MAML3: variants seen among roughly 807,000 people sequenced by gnomAD.
The protein encoded by MAML3 is mastermind like transcriptional coactivator 3, also known as mastermind-like protein 3.
MAML3 carries 27 observed loss-of-function variants against 101.9 expected under a neutral mutation model. That is an observed-to-expected ratio of 0.27 (90% CI 0.20 to 0.37). The LOEUF (loss-of-function observed/expected upper bound fraction) is 0.37. Among genes scored for constraint, MAML3 ranks in the 10% least tolerant of loss-of-function variants. The probability of loss-of-function intolerance (pLI) is 1.00; values close to 1 mark genes in which losing one functional copy is unlikely to be tolerated. For missense variants in MAML3, 1,316 were observed against 1,444.9 expected (o/e 0.91, Z 1.45); for synonymous variants, 501 against 555.9 (o/e 0.90, Z 1.39).
chr4:139,865,926 G>A (rs1367693685), intron 2 of MAML3, among the ~76,000 whole-genome samples: 1 of 152,158 alleles, frequency 6.6e-6, no homozygotes, highest in African/African-American at 2.4e-5. Flanking sequence ...GTTTTCCCAG[G>A]TCCGTCTTCT....
At chr4:139,762,745 G>C (rs1729781817) in intron 2 of MAML3, among the ~76,000 whole-genome samples, 1 of 152,152 alleles carries the variant, frequency 6.6e-6, no homozygotes, top group Non-Finnish European at 1.5e-5. Flanking sequence ...GTGAACCCTG[G>C]ATAAAAGGCA....
intron 2 of MAML3, among the ~76,000 whole-genome samples, chr4:139,805,186 A>AAACAAC (rs1176998199): frequency 6.6e-6 from 1 of 152,156 alleles, no homozygotes; most frequent in African/African-American, 2.4e-5. Flanking sequence ...ATCCGTCTCA[A>AAACAAC]AACAACAACA....
chr4:140,031,922 C>A lies in MAML3; in HGVS notation c.468+120938G>T, dbSNP rs150483583. Among the ~76,000 whole-genome samples, 136 of 152,322 alleles carry A rather than the reference C, an allele frequency of 8.9e-4. 2 individuals are homozygous for A. In the East Asian group the frequency reaches 0.025, roughly 27 times the overall value. Reference sequence around the variant, plus strand: ...TCCAGCCTTGCCTTCTCCCTCACCCCCAACTCTTACTGGAAGCAACTTTTT... The same window carrying A: ...TCCAGCCTTGCCTTCTCCCTCACCCACAACTCTTACTGGAAGCAACTTTTT... On this transcript the variant is annotated intron_variant, in intron 1 of 4. Coordinates refer to ENST00000509479, the MANE Select transcript of MAML3 (RefSeq NM_018717.5).
intron 1 of MAML3, among the ~76,000 whole-genome samples, chr4:140,017,017 C>A (rs1726652941): frequency 6.6e-6 from 1 of 152,090 alleles, no homozygotes; most frequent in Non-Finnish European, 1.5e-5. Context: ...AACGAAAGAA[C>A]AATCACATGT....
At chr4:139,944,449 G>A (rs1189861375) in intron 1 of MAML3, among the ~76,000 whole-genome samples, 4 of 152,004 alleles carry the variant, frequency 2.6e-5, no homozygotes, top group Non-Finnish European at 4.4e-5. Context: ...TTGTTCTTGC[G>A]ATAGTTTACT....
At chr4:139,772,329 A>T (rs1276045937) in intron 2 of MAML3, among the ~76,000 whole-genome samples, 1 of 146,790 alleles carries the variant, frequency 6.8e-6, no homozygotes, top group African/African-American at 2.5e-5. Flanking sequence ...AGATATTTTT[A>T]AAGTTGTCTT....
chr4:139,820,688 T>C (rs1730958262), intron 2 of MAML3, among the ~76,000 whole-genome samples: 1 of 152,222 alleles, frequency 6.6e-6, no homozygotes, highest in Admixed American at 6.5e-5. Context: ...GACATTTCCC[T>C]ATGTTATCAA....
intron 1 of MAML3, among the ~76,000 whole-genome samples, chr4:140,098,043 A>C (rs1450985190): frequency 6.6e-6 from 1 of 152,248 alleles, no homozygotes; most frequent in Non-Finnish European, 1.5e-5. Context: ...AGAATAAGCT[A>C]TCGTTCATTT....
At chr4:139,885,136 C>T (rs1402982047) in intron 2 of MAML3, among the ~76,000 whole-genome samples, 2 of 152,178 alleles carry the variant, frequency 1.3e-5, no homozygotes, top group African/African-American at 4.8e-5. Context: ...TGCGGTGGCT[C>T]ACGCCTGTAA....
At chr4:140,110,931 T>A (rs966018281) in intron 1 of MAML3, among the ~76,000 whole-genome samples, 3 of 152,148 alleles carry the variant, frequency 2.0e-5, no homozygotes, top group African/African-American at 7.2e-5. Flanking sequence ...TACCAACCCA[T>A]GAAAGGACAA....
intron 1 of MAML3, among the ~76,000 whole-genome samples, chr4:140,089,026 C>G (rs1379077875): frequency 2.6e-5 from 4 of 151,978 alleles, no homozygotes; most frequent in African/African-American, 9.7e-5. Flanking sequence ...ACATCAATGA[C>G]AAGGAAGATA....
chr4:139,968,579 G>T (rs1220267819), intron 1 of MAML3, among the ~76,000 whole-genome samples: 4 of 152,026 alleles, frequency 2.6e-5, no homozygotes, highest in African/African-American at 9.7e-5. Flanking sequence ...TTCTCTAAGT[G>T]CTCTTTCTGT....
At chr4:139,798,089 AAAG>A (rs1295633556) in intron 2 of MAML3, among the ~76,000 whole-genome samples, 2 of 123,914 alleles carry the variant, frequency 1.6e-5, no homozygotes, top group African/African-American at 5.8e-5. Context: ...AGAAAGAAAG[AAAG>A]AAAAGGGATT....
At chr4:140,018,004 T>C (rs892632168) in intron 1 of MAML3, among the ~76,000 whole-genome samples, 3 of 151,972 alleles carry the variant, frequency 2.0e-5, no homozygotes, top group African/African-American at 7.2e-5. Flanking sequence ...AATAAAAAGG[T>C]TAATTTTAAA....
intron 1 of MAML3, among the ~76,000 whole-genome samples, chr4:139,959,677 A>G (rs576183441): frequency 6.6e-6 from 1 of 152,308 alleles, no homozygotes; most frequent in East Asian, 1.9e-4. Context: ...CTAATCTGGG[A>G]AAACATTGAC....
chr4:139,920,532 CT>C (rs1236419219), intron 1 of MAML3, among the ~76,000 whole-genome samples: 1 of 152,220 alleles, frequency 6.6e-6, no homozygotes, highest in Non-Finnish European at 1.5e-5. Context: ...TCTCAAAGAA[CT>C]TTACTATGAA....
At chr4:139,777,764 G>C (rs191667300) in intron 2 of MAML3, among the ~76,000 whole-genome samples, 2 of 152,312 alleles carry the variant, frequency 1.3e-5, no homozygotes, top group East Asian at 3.9e-4. Context: ...TTCCCATAAT[G>C]CTTAAAACTC....
At chr4:139,790,527 T>C (rs1231093706) in intron 2 of MAML3, among the ~76,000 whole-genome samples, 1 of 151,874 alleles carries the variant, frequency 6.6e-6, no homozygotes, top group African/African-American at 2.4e-5. Context: ...AGAAACTGTA[T>C]CCATTAACAA....
chr4:140,059,785 A>AT (rs1187553263), intron 1 of MAML3, among the ~76,000 whole-genome samples: 1 of 152,178 alleles, frequency 6.6e-6, no homozygotes, highest in East Asian at 1.9e-4. Flanking sequence ...AAATTAAAGG[A>AT]TTTGTTAGTT....
Sources: gnomAD v4.1 joint callset for allele counts (sites outside exome capture counted in the v4.1 genomes callset) on GRCh38, gnomAD v4.1.1 for gene constraint, MANE v1.5 for transcripts, NCBI Gene and HGNC (gene_info 2026-07-23, HGNC 2026-07-21) for gene names.